EYS: variants seen among roughly 807,000 people sequenced by gnomAD.
EYS encodes the protein EGF-like photoreceptor maintenance factor, also known as protein eyes shut homolog.
EYS carries 250 observed loss-of-function variants against 282.1 expected under a neutral mutation model. The ratio of observed to expected loss-of-function variants is 0.89; its 90% CI spans 0.80 to 0.98. The LOEUF is 0.98. Ranked by LOEUF, EYS falls within the 50% of genes least tolerant of loss-of-function variation. The probability of loss-of-function intolerance (pLI) is 0.00; values close to 1 mark genes in which losing one functional copy is unlikely to be tolerated. For missense variants in EYS, 4,016 were observed against 3,709.0 expected (o/e 1.08, Z -2.15); for synonymous variants, 1,355 against 1,282.9 (o/e 1.06, Z -1.20).
At chr6:64,505,322 T>C (rs764387949) in intron 26 of EYS, among the ~76,000 whole-genome samples, 3 of 152,234 alleles carry the variant, frequency 2.0e-5, no homozygotes, top group Admixed American at 6.5e-5. Flanking sequence ...ATTATATTGA[T>C]GTTAACTCTT....
chr6:64,006,343 T>C (rs1394619902), intron 33 of EYS, among the ~76,000 whole-genome samples: 1 of 152,110 alleles, frequency 6.6e-6, no homozygotes, highest in Non-Finnish European at 1.5e-5. Flanking sequence ...GCTGAAATTG[T>C]TTATCAGTTC....
intron 31 of EYS, among the ~76,000 whole-genome samples, chr6:64,184,553 A>C (rs1764879611): frequency 7.2e-6 from 1 of 138,330 alleles, no homozygotes; most frequent in Non-Finnish European, 1.6e-5. Context: ...AGTCACCATT[A>C]TGCAAAAAAA....
intron 15 of EYS, among the ~76,000 whole-genome samples, chr6:64,918,039 T>G (rs1768220640): frequency 6.6e-6 from 1 of 152,126 alleles, no homozygotes; most frequent in Non-Finnish European, 1.5e-5. Context: ...TTTTATTGTT[T>G]TGTCTATTAA....
At chr6:63,858,533 C>G (rs1401390315) in intron 36 of EYS, among the ~76,000 whole-genome samples, 1 of 152,166 alleles carries the variant, frequency 6.6e-6, no homozygotes, top group Non-Finnish European at 1.5e-5. Context: ...AAGGCAACTT[C>G]CCTCAGTTCT....
At chr6:64,627,479 A>T (rs1448439764) in intron 22 of EYS, among the ~76,000 whole-genome samples, 1 of 152,214 alleles carries the variant, frequency 6.6e-6, no homozygotes, top group Non-Finnish European at 1.5e-5. Context: ...TTGGATCATA[A>T]GTTTTACCAC....
chr6:65,438,934 C>T (rs978148916), intron 5 of EYS, among the ~76,000 whole-genome samples: 1 of 152,124 alleles, frequency 6.6e-6, no homozygotes, highest in Non-Finnish European at 1.5e-5. Flanking sequence ...TTGTCCATGC[C>T]TATGTCCTGA....
chr6:64,783,494 A>G (rs1468653025), intron 22 of EYS, among the ~76,000 whole-genome samples: 1 of 152,076 alleles, frequency 6.6e-6, no homozygotes, highest in African/African-American at 2.4e-5. Context: ...GTGCTAAAGG[A>G]AAATTAATTT....
In EYS at chr6:64,018,367, G is replaced by T. The variant is rs563306233; in HGVS notation, c.6726-19184C>A. Among the ~76,000 whole-genome samples the T allele has an allele frequency of 5.1e-3, 763 of 150,966 alleles. 6 individuals are homozygous for T. Among genetic ancestry groups the T allele is most frequent in the African/African-American group, 0.012 (468 of 40,644 alleles). ...TCTTTTATATATTCAGGGGTTTTTT[G>T]TTGTTGTTGTTGTTTGGATGTTTCT... is the stretch of plus-strand genomic sequence containing the variant. On this transcript the variant is annotated intron_variant, in intron 33 of 42. Transcript: ENST00000503581.
intron 24 of EYS, among the ~76,000 whole-genome samples, chr6:64,614,524 C>T (rs960712149): frequency 1.3e-5 from 2 of 152,022 alleles, no homozygotes; most frequent in Admixed American, 1.3e-4. Flanking sequence ...ATAAAACAAC[C>T]TTAACAATGA....
At chr6:63,872,175 A>G (rs950792323) in intron 35 of EYS, among the ~76,000 whole-genome samples, 2 of 152,180 alleles carry the variant, frequency 1.3e-5, no homozygotes, top group African/African-American at 4.8e-5. Context: ...CTAGAGTCCC[A>G]GAGGGTAGCT....
rs1771378101 is a variant in EYS at position 64,066,493 on chromosome 6, T to G, written c.6572-2A>C. The G allele has an allele frequency of 1.3e-6, 2 of 1,502,806 alleles. No homozygotes were observed. The highest frequency in any genetic ancestry group is 1.8e-6 in the Non-Finnish European group (2 of 1,109,382). The allele number at this position is 1,502,806 out of a possible 1,614,324, so 93.1% of individuals were successfully genotyped here. ...GCTTTCCACAATTATTCCCATTACCTTTAAGAAAAAAAGAATATATTAGTA... is the reference window on the plus strand; with the variant it reads ...GCTTTCCACAATTATTCCCATTACCGTTAAGAAAAAAAGAATATATTAGTA... On this transcript the variant is annotated splice_acceptor_variant, in intron 32 of 42. Coordinates refer to ENST00000503581, the MANE Select transcript of EYS (RefSeq NM_001142800.2). LOFTEE classifies it high-confidence loss of function.
chr6:64,173,116 CAT>C (rs1764531073), intron 31 of EYS, among the ~76,000 whole-genome samples: 1 of 152,112 alleles, frequency 6.6e-6, no homozygotes, highest in African/African-American at 2.4e-5. Flanking sequence ...GACAGAAACT[CAT>C]AGTCTTGAGT....
chr6:64,399,685 AT>A (rs758087971), intron 28 of EYS, among the ~76,000 whole-genome samples: 1 of 151,990 alleles, frequency 6.6e-6, no homozygotes, highest in Middle Eastern at 3.4e-3. Flanking sequence ...CCTTGAAATA[AT>A]TTTTTTAATA....
At chr6:63,732,886 A>C (rs1768816000) in intron 41 of EYS, among the ~76,000 whole-genome samples, 3 of 152,238 alleles carry the variant, frequency 2.0e-5, no homozygotes, top group African/African-American at 7.2e-5. Context: ...CATGTTGGTA[A>C]ACTAAATATA....
intron 12 of EYS, among the ~76,000 whole-genome samples, chr6:65,060,686 G>T (rs191391774): frequency 2.0e-5 from 3 of 151,358 alleles, no homozygotes; most frequent in Admixed American, 1.3e-4. Flanking sequence ...GTACAGGTTA[G>T]CACAACACTT....
chr6:64,271,182 T>A (rs1186158917), intron 30 of EYS, among the ~76,000 whole-genome samples: 2 of 152,202 alleles, frequency 1.3e-5, no homozygotes, highest in African/African-American at 2.4e-5. Context: ...TCCAGGTATA[T>A]AAGATACTGT....
chr6:65,267,948 C>T (rs1767801855), intron 12 of EYS, among the ~76,000 whole-genome samples: 1 of 151,616 alleles, frequency 6.6e-6, no homozygotes, highest in Non-Finnish European at 1.5e-5. Context: ...CTATCTCTCC[C>T]CTCTAAACAC....
intron 33 of EYS, among the ~76,000 whole-genome samples, chr6:64,028,994 G>T (rs1426164589): frequency 6.6e-6 from 1 of 152,174 alleles, no homozygotes; most frequent in East Asian, 1.9e-4. Flanking sequence ...AGTTGAGGGG[G>T]TTCCTTGGAA....
intron 36 of EYS, among the ~76,000 whole-genome samples, chr6:63,863,737 G>A (rs1772603090): frequency 7.1e-6 from 1 of 140,266 alleles, no homozygotes; most frequent in Non-Finnish European, 1.5e-5. Flanking sequence ...GTGCAGTGGT[G>A]CAATTTCGGC....
Sources: gnomAD v4.1 joint callset for allele counts (sites outside exome capture counted in the v4.1 genomes callset) on GRCh38, gnomAD v4.1.1 for gene constraint, MANE v1.5 for transcripts, NCBI Gene and HGNC (gene_info 2026-07-23, HGNC 2026-07-21) for gene names.